Variants in RARB observed in about 807,000 individuals in gnomAD.
RARB encodes the protein retinoic acid receptor beta, also known as HBV-activated protein.
RARB carries 17 observed loss-of-function variants against 51.9 expected under a neutral mutation model. The observed-to-expected ratio is 0.33, with a 90% CI of 0.22 to 0.49. The LOEUF is 0.49. RARB is among the 20% of genes least tolerant of loss of function. RARB has a pLI of 0.99. For missense variants in RARB, 369 were observed against 550.8 expected, an observed-to-expected ratio of 0.67 and a Z score of 3.30; for synonymous variants, 215 against 195.4, an observed-to-expected ratio of 1.10 and a Z score of -0.84.
At chr3:25,084,455 T>C (rs985221359) in intron 3 of RARB, among the ~76,000 whole-genome samples, 1 of 152,292 alleles carries the variant, frequency 6.6e-6, no homozygotes, top group Middle Eastern at 3.4e-3. Flanking sequence ...TTTAAAGTTT[T>C]ATTTTGTTGA....
At position 25,066,532 on chromosome 3, in the gene RARB, G is replaced by C. The variant is rs1698665782; in HGVS notation, c.-328+6356G>C. ...TTCTAGAACTCCTGCTCCTATGTCA[G>C]TCGCCTTTGACATTTTACTCTCCTG... On this transcript the variant is annotated intron_variant, in intron 3 of 11. Coordinates refer to the RARB transcript ENST00000383772. Among the ~76,000 whole-genome samples the C allele has an allele frequency of 2.0e-5, 3 of 151,962 alleles. No homozygotes were observed. In the South Asian group the frequency reaches 6.2e-4, roughly 31 times the overall value.
intron 5 of RARB, among the ~76,000 whole-genome samples, chr3:25,591,882 G>A (rs1382369775): frequency 6.6e-6 from 1 of 152,152 alleles, no homozygotes. Flanking sequence ...TGGCTCCTAG[G>A]TCACTGCCTT....
chr3:25,463,108 A>C (rs1695263934), intron 2 of RARB, among the ~76,000 whole-genome samples: 1 of 152,144 alleles, frequency 6.6e-6, no homozygotes, highest in Non-Finnish European at 1.5e-5. Context: ...CCTGGGCTCA[A>C]GTGATCCTCC....
At chr3:25,215,933 C>T (rs1393341589) in intron 5 of RARB, among the ~76,000 whole-genome samples, 2 of 152,106 alleles carry the variant, frequency 1.3e-5, no homozygotes, top group African/African-American at 2.4e-5. Flanking sequence ...AGGGGAAGAA[C>T]TTTAGAATTT....
chr3:24,994,868 C>A (rs924742742), intron 2 of RARB, among the ~76,000 whole-genome samples: 7 of 151,960 alleles, frequency 4.6e-5, no homozygotes, highest in African/African-American at 1.7e-4. Context: ...GTTTTCATGC[C>A]AGTACAATGC....
At chr3:25,231,027 G>A (rs1022224412) in intron 5 of RARB, among the ~76,000 whole-genome samples, 1 of 151,994 alleles carries the variant, frequency 6.6e-6, no homozygotes, top group Non-Finnish European at 1.5e-5. Context: ...AGGAAAATAA[G>A]AAAATCTTAA....
At position 25,554,456 on chromosome 3, in the gene RARB, G is replaced by T. The variant is rs80292265; in HGVS notation, c.449-15302G>T. ...TGGGACACAGCCCTGTGCGTTTGTT[G>T]ACGTGTAGTCCTGGCTCTTTTTGCG... is the stretch of plus-strand genomic sequence containing the variant. On this transcript the variant is annotated intron_variant, in intron 3 of 7. Coordinates refer to ENST00000330688, the MANE Select transcript of RARB (RefSeq NM_000965.5). Among the ~76,000 whole-genome samples, 466 of 152,126 alleles carry T rather than the reference G, an allele frequency of 3.1e-3. 3 individuals carry two copies. The highest frequency in any genetic ancestry group is 0.011 in the African/African-American group (454 of 41,494).
At chr3:24,876,833 A>G (rs1352027979) in intron 2 of RARB, among the ~76,000 whole-genome samples, 1 of 152,198 alleles carries the variant, frequency 6.6e-6, no homozygotes, top group African/African-American at 2.4e-5. Flanking sequence ...AGATAGTGGC[A>G]TTTCATTTAT....
intron 2 of RARB, among the ~76,000 whole-genome samples, chr3:24,983,909 A>C (rs944903457): frequency 6.6e-6 from 1 of 152,214 alleles, no homozygotes; most frequent in African/African-American, 2.4e-5. Context: ...CAAAAAAGAC[A>C]TGTAGAAATA....
chr3:25,467,831 C>T (rs1240403437), intron 2 of RARB, among the ~76,000 whole-genome samples: 6 of 152,138 alleles, frequency 3.9e-5, no homozygotes, highest in African/African-American at 1.5e-4. Flanking sequence ...TACTAAGTTT[C>T]AGGCCCTATG....
intron 4 of RARB, among the ~76,000 whole-genome samples, chr3:25,576,854 G>A (rs574876673): frequency 6.6e-5 from 10 of 152,196 alleles, no homozygotes; most frequent in Non-Finnish European, 1.5e-4. Flanking sequence ...AATGCTGCAG[G>A]CGTGTTGGGG....
rs115017214 is a variant in RARB, at chr3:25,505,159, C to G, written c.448+3836C>G. On this transcript the variant is annotated intron_variant, in intron 3 of 7. Coordinates refer to ENST00000330688, the MANE Select transcript of RARB (RefSeq NM_000965.5). ...ATAGATTAGTTACAATTCCTCCTTC[C>G]CAGGTCCCACCATTTTTTTGGCAGA... Among the ~76,000 whole-genome samples the G allele has an allele frequency of 2.9e-3, 443 of 152,286 alleles. 4 individuals carry two copies. Among genetic ancestry groups the G allele is most frequent in the African/African-American group, 0.01 (423 of 41,550 alleles).
intron 4 of RARB, among the ~76,000 whole-genome samples, chr3:25,578,476 T>A (rs893495868): frequency 1.9e-4 from 29 of 152,254 alleles, no homozygotes; most frequent in Non-Finnish European, 3.1e-4. Context: ...CGGGGCAATG[T>A]CTTTTTTTCC....
intron 5 of RARB, among the ~76,000 whole-genome samples, chr3:25,403,117 C>T (rs919721758): frequency 1.4e-5 from 2 of 146,684 alleles, no homozygotes; most frequent in Admixed American, 6.9e-5. Flanking sequence ...GAGCTGAGAT[C>T]GTGCCACTGC....
chr3:25,504,365 AG>A (rs1350053055), intron 3 of RARB, among the ~76,000 whole-genome samples: 1 of 152,242 alleles, frequency 6.6e-6, no homozygotes, highest in Non-Finnish European at 1.5e-5. Context: ...GTTCCATCAA[AG>A]CCTAGGGACA....
intron 3 of RARB, among the ~76,000 whole-genome samples, chr3:25,099,044 G>T (rs1699351493): frequency 6.6e-6 from 1 of 152,160 alleles, no homozygotes; most frequent in African/African-American, 2.4e-5. Flanking sequence ...TGCAACCTCA[G>T]TGCTTGGCTG....
intron 5 of RARB, among the ~76,000 whole-genome samples, chr3:25,581,269 G>A (rs370649850): frequency 3.3e-5 from 5 of 152,296 alleles, no homozygotes; most frequent in East Asian, 3.9e-4. Flanking sequence ...TAATAAAAAA[G>A]CAATGTTTTT....
At chr3:25,060,726 A>G (rs1698532143) in intron 3 of RARB, among the ~76,000 whole-genome samples, 2 of 151,946 alleles carry the variant, frequency 1.3e-5, no homozygotes, top group South Asian at 4.1e-4. Flanking sequence ...AGTAGATGGC[A>G]GAAACTGAAT....
intron 5 of RARB, among the ~76,000 whole-genome samples, chr3:25,265,774 C>A (rs1703111948): frequency 1.3e-5 from 2 of 152,098 alleles, no homozygotes; most frequent in Admixed American, 1.3e-4. Flanking sequence ...GGCTGTCCAA[C>A]AAATTTTTAA....
Sources: gnomAD v4.1 joint callset for allele counts (sites outside exome capture counted in the v4.1 genomes callset) on GRCh38, gnomAD v4.1.1 for gene constraint, MANE v1.5 for transcripts, NCBI Gene and HGNC (gene_info 2026-07-23, HGNC 2026-07-21) for gene names.